Variants in HPSE2 observed in about 807,000 individuals in gnomAD.
The protein encoded by HPSE2 is inactive heparanase-2.
A neutral mutation model predicts 60.5 loss-of-function variants in HPSE2; 38 were observed. The observed-to-expected ratio is 0.63, with a 90% CI of 0.48 to 0.82. The LOEUF is 0.82. Ranked by LOEUF, HPSE2 falls within the 40% of genes least tolerant of loss-of-function variation. HPSE2 has a pLI of 0.00. For synonymous variants in HPSE2, 295 were observed against 293.2 expected, an observed-to-expected ratio of 1.01 and a Z score of -0.06; for missense variants, 713 against 740.4, an observed-to-expected ratio of 0.96 and a Z score of 0.43.
intron 6 of HPSE2, among the ~76,000 whole-genome samples, chr10:98,653,424 T>A (rs528940533): frequency 1.1e-3 from 167 of 152,022 alleles, no homozygotes; most frequent in African/African-American, 3.9e-3. Flanking sequence ...GTTTTTTTTT[T>A]AATCTCTTCT....
intron 9 of HPSE2, among the ~76,000 whole-genome samples, chr10:98,589,590 T>C (rs543417800): frequency 6.6e-6 from 1 of 152,202 alleles, no homozygotes; most frequent in Non-Finnish European, 1.5e-5. Context: ...AGCCCTCTCA[T>C]ACATGACAGC....
chr10:99,087,113 G>A (rs554607764), intron 3 of HPSE2, among the ~76,000 whole-genome samples: 1 of 152,336 alleles, frequency 6.6e-6, no homozygotes, highest in Non-Finnish European at 1.5e-5. Context: ...AATGCATACA[G>A]CAGGCAACAA....
chr10:98,612,898 C>T (rs550021018), intron 9 of HPSE2, among the ~76,000 whole-genome samples: 1 of 152,290 alleles, frequency 6.6e-6, no homozygotes, highest in Admixed American at 6.5e-5. Flanking sequence ...GATATGACTC[C>T]TGCCTACCTC....
the HPSE2 span, among the ~76,000 whole-genome samples, chr10:99,264,181 G>A: frequency 5.3e-5 from 8 of 149,910 alleles, no homozygotes; most frequent in Admixed American, 2.7e-4. Flanking sequence ...TCTGCCTCCC[G>A]GATTCACACC....
rs1430323235 is a variant in HPSE2, at chr10:99,217,604, CTTGT to C, written c.448+14740_448+14743del. ...TGTTGTTGTTGTTGTTGTGCTGCTG[CTTGT>C]TTGTTTTTGAGACAAATCTCTGTCA... On this transcript the variant is annotated intron_variant, in intron 2 of 11. Coordinates refer to ENST00000370552, the MANE Select transcript of HPSE2 (RefSeq NM_021828.5). Among the ~76,000 whole-genome samples, 7 of 152,100 alleles carry C rather than the reference CTTGT, an allele frequency of 4.6e-5. No homozygotes were observed. In the South Asian group the frequency reaches 1.0e-3, roughly 23 times the overall value.
intron 3 of HPSE2, among the ~76,000 whole-genome samples, chr10:98,858,706 C>T (rs1007463176): frequency 1.3e-5 from 2 of 152,152 alleles, no homozygotes; most frequent in African/African-American, 2.4e-5. Flanking sequence ...TCTAAGTTCA[C>T]GACGATGTGG....
intron 3 of HPSE2, among the ~76,000 whole-genome samples, chr10:98,832,340 T>C (rs1330570092): frequency 1.3e-5 from 2 of 152,184 alleles, no homozygotes; most frequent in Non-Finnish European, 2.9e-5. Context: ...GTTTTGGATG[T>C]CAGGAATGAG....
In HPSE2 at chr10:98,546,208, C is replaced by T. The variant is rs1219798624; in HGVS notation, c.1321-56012G>A. On this transcript the variant is annotated intron_variant, in intron 9 of 11. Transcript: ENST00000370552. ...GCTCATGGGTAGGAAGAATCAATAA[C>T]GTGAAAATGGCCATACTACCCAAGG... Among the ~76,000 whole-genome samples, 46 of 138,982 alleles carry T rather than the reference C, an allele frequency of 3.3e-4. 7 individuals are homozygous for T. Among genetic ancestry groups the T allele is most frequent in the African/African-American group, 8.7e-4 (35 of 40,306 alleles). 91.2% of individuals were successfully genotyped at this position (138,982 alleles called of 152,430 possible).
intron 9 of HPSE2, among the ~76,000 whole-genome samples, chr10:98,554,834 T>C (rs954425163): frequency 2.0e-5 from 3 of 152,198 alleles, no homozygotes; most frequent in Admixed American, 6.5e-5. Flanking sequence ...GGTCTCTTCA[T>C]AGCTAAGACA....
the HPSE2 span, among the ~76,000 whole-genome samples, chr10:99,309,084 CACA>C: frequency 6.6e-6 from 1 of 151,900 alleles, no homozygotes; most frequent in South Asian, 2.1e-4. Context: ...TACAAAAGAC[CACA>C]CATTGTATGA....
At chr10:98,881,686 A>C (rs1953027874) in intron 3 of HPSE2, among the ~76,000 whole-genome samples, 1 of 152,228 alleles carries the variant, frequency 6.6e-6, no homozygotes, top group African/African-American at 2.4e-5. Context: ...CTTTTGAGAG[A>C]GACAATAATA....
At chr10:99,107,642 T>C (rs1336435904) in intron 3 of HPSE2, among the ~76,000 whole-genome samples, 1 of 152,206 alleles carries the variant, frequency 6.6e-6, no homozygotes, top group Admixed American at 6.5e-5. Context: ...TATATTCAAC[T>C]TATTGTTCTC....
At chr10:98,610,923 A>C (rs1271977496) in intron 9 of HPSE2, among the ~76,000 whole-genome samples, 2 of 152,242 alleles carry the variant, frequency 1.3e-5, no homozygotes, top group African/African-American at 4.8e-5. Context: ...AAAAGCAGCA[A>C]GCTAAATTCC....
intron 9 of HPSE2, among the ~76,000 whole-genome samples, chr10:98,557,555 A>T (rs1296239817): frequency 6.6e-6 from 1 of 152,232 alleles, no homozygotes; most frequent in Non-Finnish European, 1.5e-5. Context: ...GTGATAGTGG[A>T]GTACGCAAAT....
chr10:98,994,057 A>C (rs1956588954), intron 3 of HPSE2, among the ~76,000 whole-genome samples: 2 of 152,192 alleles, frequency 1.3e-5, no homozygotes, highest in African/African-American at 4.8e-5. Context: ...ATAGCACAGA[A>C]ATTAAGCATG....
chr10:99,281,268 C>A, the HPSE2 span, among the ~76,000 whole-genome samples: 2 of 148,150 alleles, frequency 1.3e-5, no homozygotes, highest in Non-Finnish European at 3.0e-5. Flanking sequence ...ATAATATATA[C>A]TATATATACT....
intron 3 of HPSE2, among the ~76,000 whole-genome samples, chr10:98,822,413 A>G (rs1044625541): frequency 2.0e-5 from 3 of 152,208 alleles, no homozygotes; most frequent in African/African-American, 2.4e-5. Context: ...AATGTATTAT[A>G]TAATTTCAAG....
At chr10:98,704,219 T>C (rs1211201479) in intron 5 of HPSE2, among the ~76,000 whole-genome samples, 1 of 152,146 alleles carries the variant, frequency 6.6e-6, no homozygotes, top group Non-Finnish European at 1.5e-5. Context: ...TGAAGGACTC[T>C]TCAAGGAGAA....
At chr10:98,750,961 C>G (rs944305493) in intron 3 of HPSE2, among the ~76,000 whole-genome samples, 6 of 152,080 alleles carry the variant, frequency 3.9e-5, no homozygotes, top group Non-Finnish European at 7.4e-5. Context: ...GAGACAGGAG[C>G]TGTCATAGGG....
Sources: allele counts gnomAD v4.1 joint callset (sites outside exome capture counted in the v4.1 genomes callset), GRCh38; gene constraint gnomAD v4.1.1; transcripts MANE v1.5; gene names NCBI Gene and HGNC (gene_info 2026-07-23, HGNC 2026-07-21).